TAF1B: variants seen among roughly 807,000 people sequenced by gnomAD.
TAF1B encodes the protein TATA box-binding protein-associated factor RNA polymerase I subunit B.
Under a neutral mutation model 83.9 loss-of-function variants are expected in TAF1B, and 61 were observed. The ratio of observed to expected loss-of-function variants is 0.73; its 90% CI spans 0.59 to 0.90. TAF1B has a LOEUF of 0.90. TAF1B is among the 40% of genes least tolerant of loss of function. The pLI is 0.00. For synonymous variants in TAF1B, 221 were observed against 224.6 expected, an observed-to-expected ratio of 0.98 and a Z score of 0.14; for missense variants, 625 against 677.0, an observed-to-expected ratio of 0.92 and a Z score of 0.85.
chr2:9,933,694 T>C (rs985798781), intron 14 of TAF1B, 89 bp from the exon 15 acceptor site: 1 of 1,081,668 alleles, frequency 9.2e-7, no homozygotes. Context: ...ATATATTTGC[T>C]AAGTTATTTG....
At chr2:9,846,378 G>T (rs1663208041) in intron 2 of TAF1B, among the ~76,000 whole-genome samples, 1 of 152,186 alleles carries the variant, frequency 6.6e-6, no homozygotes, top group African/African-American at 2.4e-5. Flanking sequence ...TCTGCTGCTG[G>T]ACAGGCTAAA....
rs1233987702 is a variant in TAF1B, at chr2:9,910,913, G to A, written c.1133G>A (p.Trp378Ter). 21 of 1,606,218 alleles carry A rather than the reference G, an allele frequency of 1.3e-5. No homozygotes were observed. The highest frequency in any genetic ancestry group is 1.7e-5 in the Non-Finnish European group (20 of 1,176,462). Residue 378 changes from tryptophan (W) to a stop codon, truncating the protein, a stop_gained and splice_region_variant, in exon 10 of 15, where the codon TGG (tryptophan) becomes TAG (stop). Transcript: ENST00000263663. LOFTEE classifies it high-confidence loss of function. ...LLFLLDDSFE[W>*]SLSNLAEKHN... ...TTTCTATTGGATGACAGTTTCGAGT[G>A]GTAAGTGTACGTCAATTTTATGACA...
At chr2:9,865,403 G>A (rs368956004) in intron 5 of TAF1B, among the ~76,000 whole-genome samples, 79 of 152,192 alleles carry the variant, frequency 5.2e-4, no homozygotes, top group South Asian at 1.0e-3. Context: ...GGACCTCTTC[G>A]AGGAGAACTA....
chr2:9,872,614 C>T (rs1286618826), intron 6 of TAF1B, among the ~76,000 whole-genome samples: 3 of 152,150 alleles, frequency 2.0e-5, no homozygotes, highest in African/African-American at 7.2e-5. Flanking sequence ...TATTTGTCCT[C>T]AGGTTTACAT....
chr2:9,890,486 TA>T (rs1353323788), intron 8 of TAF1B, among the ~76,000 whole-genome samples: 2 of 152,128 alleles, frequency 1.3e-5, no homozygotes, highest in African/African-American at 2.4e-5. Flanking sequence ...TGGATTTTTT[TA>T]AAAAAAAATT....
At chr2:9,874,015 A>G (rs559495302) in intron 6 of TAF1B, among the ~76,000 whole-genome samples, 1 of 152,194 alleles carries the variant, frequency 6.6e-6, no homozygotes, top group Non-Finnish European at 1.5e-5. Flanking sequence ...ACAAATAATG[A>G]CCTACAAAAT....
rs761717669 is a variant in TAF1B, at chr2:9,843,551, G to GAGGAGGCGGTA, written c.18+3_18+13dup. On this transcript the variant is annotated frameshift_variant, in exon 1 of 15. Coordinates refer to ENST00000263663, the MANE Select transcript of TAF1B (RefSeq NM_005680.3). LOFTEE classifies it high-confidence loss of function. The stretch of plus-strand genomic sequence containing the variant: ...CTCCCGCGGCGCCGCGATGGACCTC[G>GAGGAGGCGGTA]AGGAGGCGGTAAGGAGGCGGTGCAC... 5.2e-5 allele frequency: 80 copies of GAGGAGGCGGTA among 1,529,576 alleles called. No homozygotes were observed. The highest frequency in any genetic ancestry group is 5.8e-5 in the Non-Finnish European group (66 of 1,136,364). The allele number at this position is 1,529,576 out of a possible 1,614,324, so 94.8% of individuals were successfully genotyped here.
intron 8 of TAF1B, among the ~76,000 whole-genome samples, chr2:9,888,305 A>G (rs2125158798): frequency 7.4e-6 from 1 of 135,032 alleles, no homozygotes; most frequent in East Asian, 2.1e-4. Flanking sequence ...ACCTTAATGC[A>G]TTGGGATTTT....
intron 6 of TAF1B, among the ~76,000 whole-genome samples, chr2:9,871,205 G>A (rs151053080): frequency 0.044 from 6,705 of 152,052 alleles, 195 homozygotes; most frequent in Non-Finnish European, 0.067. Context: ...TCATCTTCCC[G>A]AGTAGCTGGG....
At chr2:9,895,484 G>C (rs1471555167) in intron 8 of TAF1B, among the ~76,000 whole-genome samples, 1 of 150,634 alleles carries the variant, frequency 6.6e-6, no homozygotes. Context: ...CTGGGCGACA[G>C]AGTGAGACCC....
Position 9,933,919 on chromosome 2 carries a change from C to A in TAF1B, c.1702C>A (p.Leu568Ile), listed in dbSNP as rs774360958. Residue 568 changes from leucine to isoleucine, a missense_variant, in exon 15 of 15, where the codon CTT (leucine) becomes ATT (isoleucine). By Grantham distance (5) the Leu-to-Ile change is conservative. Coordinates refer to ENST00000263663, the MANE Select transcript of TAF1B (RefSeq NM_005680.3). ...AGAAGTGAGCTTAGTTGAGAAGAAA[C>A]TTTTTGAGAAAAAATACAGTGTAAA... ...HEEVSLVEKK[L>I]FEKKYSVKRK... The A allele has an allele frequency of 3.7e-6, 6 of 1,613,226 alleles. No individual in the cohort carries two copies. Among genetic ancestry groups the A allele is most frequent in the Non-Finnish European group, 5.1e-6 (6 of 1,179,730 alleles).
At chr2:9,929,827 G>A (rs1158644938) in intron 14 of TAF1B, among the ~76,000 whole-genome samples, 7 of 151,984 alleles carry the variant, frequency 4.6e-5, no homozygotes, top group Non-Finnish European at 7.4e-5. Context: ...GACTTTTTTT[G>A]GTTGGTAAGC....
chr2:9,844,821 A>C (rs1358236274), intron 1 of TAF1B, among the ~76,000 whole-genome samples: 1 of 152,090 alleles, frequency 6.6e-6, no homozygotes, highest in African/African-American at 2.4e-5. Flanking sequence ...ACCATTACAA[A>C]TCTAGTTCCT....
intron 8 of TAF1B, among the ~76,000 whole-genome samples, chr2:9,903,602 G>GT (rs1301614991): frequency 6.6e-6 from 1 of 152,194 alleles, no homozygotes; most frequent in African/African-American, 2.4e-5. Flanking sequence ...TGCGAGTTTA[G>GT]TATAAAGTTG....
At position 9,872,347 on chromosome 2, in the gene TAF1B, C is replaced by T. The variant is rs564981105; in HGVS notation, c.554-3518C>T. Among the ~76,000 whole-genome samples, 3 of 150,116 alleles carry T rather than the reference C, an allele frequency of 2.0e-5. No homozygotes were observed. In the East Asian group the frequency reaches 5.9e-4, roughly 29 times the overall value. ...TCTTAAAAAAAAAAAAAAAAAGAAT[C>T]TGGATGTCTAACTGCTTCTTAATCT... On this transcript the variant is annotated intron_variant, in intron 6 of 14. Transcript: ENST00000263663.
intron 6 of TAF1B, among the ~76,000 whole-genome samples, chr2:9,873,057 G>A (rs191131237): frequency 5.9e-5 from 9 of 152,300 alleles, no homozygotes; most frequent in Admixed American, 3.9e-4. Context: ...TGCTGCCACA[G>A]CATTCCTTGA....
At chr2:9,858,965 A>C (rs1324753114) in intron 5 of TAF1B, among the ~76,000 whole-genome samples, 1 of 152,182 alleles carries the variant, frequency 6.6e-6, no homozygotes, top group Non-Finnish European at 1.5e-5. Context: ...TTGACTATTA[A>C]CATTCACTCC....
intron 6 of TAF1B, among the ~76,000 whole-genome samples, chr2:9,871,580 A>G (rs939427007): frequency 1.3e-5 from 2 of 152,206 alleles, no homozygotes; most frequent in Non-Finnish European, 2.9e-5. Context: ...AAGGCTTCAA[A>G]TGTTTAGTGA....
intron 8 of TAF1B, among the ~76,000 whole-genome samples, chr2:9,885,750 C>A (rs918195869): frequency 6.6e-6 from 1 of 151,776 alleles, no homozygotes; most frequent in Non-Finnish European, 1.5e-5. Context: ...CACGCCCCCC[C>A]CCACTTTGTC....
Sources: allele counts gnomAD v4.1 joint callset (sites outside exome capture counted in the v4.1 genomes callset), GRCh38; gene constraint gnomAD v4.1.1; transcripts MANE v1.5; gene names NCBI Gene and HGNC (gene_info 2026-07-23, HGNC 2026-07-21).